BAIAP2L2: variants seen among roughly 807,000 people sequenced by gnomAD.
The protein encoded by BAIAP2L2 is BAR/IMD domain containing adaptor protein 2 like 2, also known as BAR/IMD domain-containing adapter protein 2-like 2.
BAIAP2L2 carries 65 observed loss-of-function variants against 60.4 expected under a neutral mutation model. That is an observed-to-expected ratio of 1.08 (90% CI 0.88 to 1.32). The LOEUF is 1.32. Among genes scored for constraint, BAIAP2L2 ranks in the 40% most tolerant of loss-of-function variants. BAIAP2L2 has a pLI of 0.00. For missense variants in BAIAP2L2, 836 were observed against 741.2 expected (o/e 1.13, Z -1.48); for synonymous variants, 344 against 301.7 (o/e 1.14, Z -1.45).
intron 8 of BAIAP2L2, 84 bp downstream of exon 8, chr22:38,089,438 G>C (rs2086222073): frequency 1.3e-6 from 1 of 753,774 alleles, no homozygotes; most frequent in Non-Finnish European, 1.8e-6. Flanking sequence ...GGGGCAGGAG[G>C]CTCCAGGCTG....
intron 2 of BAIAP2L2, among the ~76,000 whole-genome samples, chr22:38,108,696 C>T (rs900317544): frequency 3.9e-5 from 6 of 151,992 alleles, no homozygotes; most frequent in African/African-American, 1.5e-4. Flanking sequence ...AGGCCAGCTG[C>T]AGGGTGTGTG....
chr22:38,095,889 C>T (rs978926273), intron 7 of BAIAP2L2, among the ~76,000 whole-genome samples: 1 of 152,082 alleles, frequency 6.6e-6, no homozygotes, highest in East Asian at 1.9e-4. Context: ...AGTATAATAA[C>T]TCAACCAAAC....
chr22:38,096,701 C>T (rs2086436950), intron 7 of BAIAP2L2, among the ~76,000 whole-genome samples: 1 of 152,074 alleles, frequency 6.6e-6, no homozygotes. Context: ...TAGACGATAA[C>T]TGAGCACACC....
rs2086483977 is a variant in BAIAP2L2, at chr22:38,098,090, CTT to C, written c.436_437del (p.Lys146GlufsTer25). The stretch of plus-strand genomic sequence containing the variant: ...TCATCTCCCGCACGTTCTTGTCTCT[CTT>C]GCGCTCCATGCGCCACAGCTCAGAC... ...CMSELWRMER[K>X]RDKNVREMKE... On this transcript the variant is annotated frameshift_variant, in exon 6 of 14. Coordinates refer to ENST00000381669, the MANE Select transcript of BAIAP2L2 (RefSeq NM_025045.6). LOFTEE classifies it high-confidence loss of function. 5 of 1,610,378 alleles carry C rather than the reference CTT, an allele frequency of 3.1e-6. No individual in the cohort carries two copies. Among genetic ancestry groups the C allele is most frequent in the Non-Finnish European group, 4.2e-6 (5 of 1,178,250 alleles).
intron 7 of BAIAP2L2, chr22:38,090,776 G>C (rs1424187112): frequency 6.6e-6 from 1 of 151,968 alleles, no homozygotes; most frequent in African/African-American, 2.4e-5. Context: ...GGTCTGTGTT[G>C]GTCTGTCCTT....
At chr22:38,104,902 G>A (rs995949975) in intron 4 of BAIAP2L2, among the ~76,000 whole-genome samples, 1 of 151,964 alleles carries the variant, frequency 6.6e-6, no homozygotes. Flanking sequence ...TCAGACCAGC[G>A]GCCGCTTTTA....
At chr22:38,108,080 C>T (rs2086703388) in intron 3 of BAIAP2L2, among the ~76,000 whole-genome samples, 167 bp from the exon 4 acceptor site, 1 of 152,224 alleles carries the variant, frequency 6.6e-6, no homozygotes, top group Admixed American at 6.5e-5. Context: ...ATGTGTGTCC[C>T]AGCCTGGGAG....
At chr22:38,110,450 C>T in intron 1 of BAIAP2L2, 25 bp downstream of exon 1, 1 of 1,609,840 alleles carries the variant, frequency 6.2e-7, no homozygotes, top group Non-Finnish European at 8.5e-7. Flanking sequence ...GGGCTCAGGC[C>T]TGGCTTGGCC....
rs749950522 is a variant in BAIAP2L2 at position 38,087,182 on chromosome 22, A to AGGTCATGGGGGTCATGGG, written c.1200_1201insCCCATGACCCCCATGACC (p.Thr400_Ser401insProMetThrProMetThr). The AGGTCATGGGGGTCATGGG allele has an allele frequency of 2.5e-6, 4 of 1,598,474 alleles. No homozygotes were observed. In the African/African-American group the frequency reaches 5.4e-5, roughly 22 times the overall value. On this transcript the variant is annotated inframe_insertion, in exon 11 of 14. Transcript: ENST00000381669. Reference sequence around the variant, plus strand: ...GTCATGGGGGACATGGAGGTCATGGAGGTCATGGGGGTCACGGGGGTCATG... The same window carrying AGGTCATGGGGGTCATGGG: ...GTCATGGGGGACATGGAGGTCATGGAGGTCATGGGGGTCATGGGGGTCATGGGGGTCACGGGGGTCATG...
chr22:38,105,235 T>A (rs559721520), intron 4 of BAIAP2L2, among the ~76,000 whole-genome samples: 1 of 152,248 alleles, frequency 6.6e-6, no homozygotes, highest in South Asian at 2.1e-4. Flanking sequence ...TGCCCTCTAC[T>A]GCAGCCTTCG....
At chr22:38,105,102 G>A (rs2086637280) in intron 4 of BAIAP2L2, among the ~76,000 whole-genome samples, 1 of 152,120 alleles carries the variant, frequency 6.6e-6, no homozygotes, top group South Asian at 2.1e-4. Flanking sequence ...AACATTCTAA[G>A]TCAGATCCTG....
chr22:38,109,114 G>T lies in BAIAP2L2; in HGVS notation c.127+19C>A, dbSNP rs763421032. The stretch of plus-strand genomic sequence containing the variant: ...CAGAGGCCCAGGGCTGGGGCTCGGT[G>T]GCCCGGGCAGGCACTCACCGTGGAA... On this transcript the variant is annotated intron_variant, in intron 2 of 13. Transcript: ENST00000381669. 1 of 1,602,246 alleles carries T rather than the reference G, an allele frequency of 6.2e-7. No homozygotes were observed. The highest frequency in any genetic ancestry group is 8.5e-7 in the Non-Finnish European group (1 of 1,171,190).
intron 9 of BAIAP2L2, 27 bp downstream of exon 9, chr22:38,089,069 C>G (rs2086194611): frequency 7.2e-7 from 1 of 1,380,646 alleles, no homozygotes. Context: ...CCCGGCCCTC[C>G]TGCCGCCCCG....
intron 10 of BAIAP2L2, among the ~76,000 whole-genome samples, chr22:38,087,785 G>A (rs1159644291): frequency 7.2e-5 from 10 of 138,676 alleles, no homozygotes; most frequent in African/African-American, 2.8e-4. Flanking sequence ...GTGTAGCCAC[G>A]AATCCATCCA....
At chr22:38,089,417 C>T in intron 8 of BAIAP2L2, 105 bp downstream of exon 8, 1 of 654,156 alleles carries the variant, frequency 1.5e-6, no homozygotes, top group Non-Finnish European at 2.1e-6. Flanking sequence ...CAGCGTAGAG[C>T]GGGAGCCTGG....
intron 7 of BAIAP2L2, chr22:38,093,977 G>T (rs759625564): frequency 2.2e-6 from 1 of 456,520 alleles, no homozygotes; most frequent in South Asian, 1.5e-5. Context: ...TAAATACATC[G>T]AGTAAACGAG....
intron 4 of BAIAP2L2, among the ~76,000 whole-genome samples, chr22:38,106,615 G>A (rs1313486253): frequency 6.6e-6 from 1 of 151,768 alleles, no homozygotes; most frequent in Non-Finnish European, 1.5e-5. Flanking sequence ...TGACTTCCAG[G>A]GGCTCCCCTT....
At chr22:38,093,904 G>A (rs1010673652) in intron 7 of BAIAP2L2, 23 of 456,456 alleles carry the variant, frequency 5.0e-5, no homozygotes, top group East Asian at 4.2e-4. Context: ...GATGCTCAGC[G>A]CAGCAGTGGT....
chr22:38,108,148 G>C, intron 3 of BAIAP2L2, 107 bp downstream of exon 3: 2 of 1,139,926 alleles, frequency 1.8e-6, no homozygotes, highest in South Asian at 2.9e-5. Flanking sequence ...GTCTGGCTCT[G>C]GGCCCTGGGC....
Sources: allele counts gnomAD v4.1 joint callset (sites outside exome capture counted in the v4.1 genomes callset), GRCh38; gene constraint gnomAD v4.1.1; transcripts MANE v1.5; gene names NCBI Gene and HGNC (gene_info 2026-07-23, HGNC 2026-07-21).